The following RPL6 variants were observed in gnomAD, a reference collection of about 807,000 sequenced individuals.
RPL6 encodes ribosomal protein L6.
RPL6 carries 1 observed loss-of-function variant against 32.1 expected under a neutral mutation model. The observed-to-expected ratio is 0.03, with a 90% CI of 0.01 to 0.15. The LOEUF (loss-of-function observed/expected upper bound fraction) is 0.15, where lower values mean the gene tolerates loss of function less well. Ranked by LOEUF, RPL6 falls within the 10% of genes least tolerant of loss-of-function variation. The pLI, the probability that RPL6 is intolerant of heterozygous loss-of-function variation, is 1.00. For synonymous variants in RPL6, 126 were observed against 131.6 expected, an observed-to-expected ratio of 0.96 and a Z score of 0.29; for missense variants, 275 against 354.6, an observed-to-expected ratio of 0.78 and a Z score of 1.80.
chr12:112,407,940 G>A, intron 3 of RPL6: 1 of 318,648 alleles, frequency 3.1e-6, no homozygotes, highest in South Asian at 3.5e-5. Context: ...GGCTGGTCTT[G>A]AACTCCTGAC....
intron 1 of RPL6, chr12:112,408,926 G>A (rs75692477): frequency 3.2e-4 from 138 of 431,356 alleles, no homozygotes; most frequent in African/African-American, 2.3e-3. Context: ...AATACTGAGC[G>A]GTCAGAAGTC....
At chr12:112,406,572 T>A (rs1336226817) in intron 4 of RPL6, 175 bp downstream of exon 4, 2 of 948,136 alleles carry the variant, frequency 2.1e-6, no homozygotes, top group Non-Finnish European at 1.6e-6. Flanking sequence ...AAATGGCTAA[T>A]AAATCACCAT....
In RPL6 at chr12:112,408,491, T is replaced by C. The variant is rs773918984; in HGVS notation, c.166A>G (p.Arg56Gly). ...RNPVLVRGIG[R>G]YSRSAMYSRK... is the part of the protein sequence containing the mutation. Reference sequence around the variant, plus strand: ...GAATACATGGCAGATCGGGAATACCTGCCAATTCCTCTGACAAGGACAGGG... The same window carrying C: ...GAATACATGGCAGATCGGGAATACCCGCCAATTCCTCTGACAAGGACAGGG... Residue 56 changes from arginine (R) to glycine (G), a missense_variant, in exon 2 of 7, where the codon AGG becomes GGG. Coordinates refer to ENST00000202773, the MANE Select transcript of RPL6 (RefSeq NM_000970.6). 2 of 1,613,934 alleles carry C rather than the reference T, an allele frequency of 1.2e-6. No individual in the cohort carries two copies. The highest frequency in any genetic ancestry group is 1.3e-5 in the African/African-American group (1 of 74,936).
chr12:112,406,336 C>G lies in RPL6; in HGVS notation c.487G>C (p.Val163Leu). ...LTGRHRGKRVVFLKQLASGLL... is the reference protein window; with the variant it reads ...LTGRHRGKRVLFLKQLASGLL... ...CCACTAGCCAGCTGCTTCAGGAAAACCACCCTCTGTAAGTTAAAAAGAAAA... is the reference window on the plus strand; with the variant it reads ...CCACTAGCCAGCTGCTTCAGGAAAAGCACCCTCTGTAAGTTAAAAAGAAAA... The change falls in exon 5 of 7, where the codon GTT becomes CTT. Residue 163 changes from valine to leucine, a missense_variant. Val to Leu is a conservative substitution (Grantham distance 32, BLOSUM62 1). Transcript: ENST00000202773. 1 of 1,612,694 alleles carries G rather than the reference C, an allele frequency of 6.2e-7. No individual in the cohort carries two copies. The highest frequency in any genetic ancestry group is 1.1e-5 in the South Asian group (1 of 91,002).
chr12:112,410,319 C>A, upstream of RPL6: 1 of 294,280 alleles, frequency 3.4e-6, no homozygotes, highest in Admixed American at 3.5e-5. Flanking sequence ...TCTTCCCTTA[C>A]CTTGGATTTA....
At chr12:112,418,817 C>T in exon 1 of RPL6, 1 of 473,356 alleles carries the variant, frequency 2.1e-6, no homozygotes, top group South Asian at 2.7e-5. Flanking sequence ...CATTCCCGGC[C>T]GTCGCTCGGT....
At chr12:112,405,412 C>A in intron 6 of RPL6, 36 bp from the exon 7 acceptor site, 3 of 1,602,646 alleles carry the variant, frequency 1.9e-6, no homozygotes, top group East Asian at 4.5e-5. Flanking sequence ...TTAAAACAGG[C>A]ACATACCAAA....
intron 5 of RPL6, 99 bp from the exon 6 acceptor site, chr12:112,406,136 C>T: frequency 7.9e-7 from 1 of 1,265,648 alleles, no homozygotes; most frequent in Non-Finnish European, 1.1e-6. Context: ...CAAAGAAGAC[C>T]ACTTGTCTAA....
chr12:112,408,927 G>C, intron 1 of RPL6: 1 of 427,416 alleles, frequency 2.3e-6, no homozygotes, highest in East Asian at 3.7e-5. Flanking sequence ...ATACTGAGCG[G>C]TCAGAAGTCC....
Position 112,408,221 on chromosome 12 carries a change from T to C in RPL6, c.336+19A>G, listed in dbSNP as rs758133454. ...TCAAGCATAAACAGAAAATCCAATT[T>C]ACAGTCCCCACATCTTACCATTTTG... On this transcript the variant is annotated intron_variant, in intron 3 of 6. Coordinates refer to ENST00000202773, the MANE Select transcript of RPL6 (RefSeq NM_000970.6). 1.3e-6 allele frequency: 2 copies of C among 1,585,506 alleles called. No homozygotes were observed. Among genetic ancestry groups the C allele is most frequent in the Non-Finnish European group, 8.7e-7 (1 of 1,155,722 alleles).
chr12:112,409,060 A>C (rs900111927), intron 1 of RPL6: 4 of 238,324 alleles, frequency 1.7e-5, no homozygotes, highest in Non-Finnish European at 3.2e-5. Flanking sequence ...CTTTCGTCTT[A>C]ACCCTTAAGA....
chr12:112,405,886 G>C lies in RPL6; in HGVS notation c.681C>G (p.His227Gln). 1 of 1,613,702 alleles carries C rather than the reference G, an allele frequency of 6.2e-7. No homozygotes were observed. The highest frequency in any genetic ancestry group is 8.5e-7 in the Non-Finnish European group (1 of 1,179,814). Residue 227 changes from histidine (H) to glutamine (Q), a missense_variant, in exon 6 of 7, where the codon CAC (histidine) becomes CAG (glutamine). Transcript: ENST00000202773. ...CTGTGTCGAAGATCTCACCTTCCTG[G>C]TGTCTGGGCTTCCGCAGCTTCTTCT... ...FKKKKLRKPR[H>Q]QEGEIFDTEK...
At chr12:112,405,697 G>C in intron 6 of RPL6, 156 bp downstream of exon 6, 1 of 699,740 alleles carries the variant, frequency 1.4e-6, no homozygotes, top group South Asian at 2.1e-5. Flanking sequence ...ACTGCCAAAA[G>C]AACTACTCAA....
At chr12:112,416,244 A>G (rs2037408307) in intron 1 of RPL6, among the ~76,000 whole-genome samples, 1 of 142,538 alleles carries the variant, frequency 7.0e-6, no homozygotes, top group Non-Finnish European at 1.5e-5. Context: ...GGTTCACGCC[A>G]TTCTCCTGCC....
chr12:112,412,126 GC>G (rs1249067790), upstream of RPL6, among the ~76,000 whole-genome samples: 3 of 151,916 alleles, frequency 2.0e-5, no homozygotes, highest in East Asian at 5.8e-4. Flanking sequence ...TGCAACCTTC[GC>G]CTCCCGGGTT....
At chr12:112,409,720 T>C (rs1040304467), upstream of RPL6, 6 of 375,716 alleles carry the variant, frequency 1.6e-5, no homozygotes, top group Non-Finnish European at 2.8e-5. Context: ...AAAAAAGTAG[T>C]AAATCCTAGG....
chr12:112,406,549 A>C (rs1257306788), intron 4 of RPL6, 198 bp downstream of exon 4: 12 of 836,434 alleles, frequency 1.4e-5, no homozygotes, highest in African/African-American at 5.2e-5. Context: ...TGTGTAACAT[A>C]ATCAACAGCA....
chr12:112,405,333 A>G lies in RPL6; in HGVS notation c.758T>C (p.Val253Ala), dbSNP rs1169147863. The change falls in exon 7 of 7, where the codon GTG (valine) becomes GCG (alanine). Residue 253 changes from valine (V) to alanine (A), a missense_variant. By Grantham distance (64) the Val-to-Ala change is moderately conservative. Transcript: ENST00000202773. ...GATTTTTGGTAAAATTTGTGAGTCC[A>G]CAGCTTTCTGATCAATCTTGCGCTG... The part of the protein sequence containing the change: ...TEQRKIDQKA[V>A]DSQILPKIKA... 1 of 1,609,918 alleles carries G rather than the reference A, an allele frequency of 6.2e-7. No individual in the cohort carries two copies. Among genetic ancestry groups the G allele is most frequent in the Non-Finnish European group, 8.5e-7 (1 of 1,179,220 alleles).
At chr12:112,409,366 G>A (rs555670526) in intron 1 of RPL6, 2 of 397,160 alleles carry the variant, frequency 5.0e-6, no homozygotes, top group Non-Finnish European at 8.9e-6. Flanking sequence ...CAGCCCAAGA[G>A]AGTGGCGAAG....
Sources: allele counts gnomAD v4.1 joint callset (sites outside exome capture counted in the v4.1 genomes callset), GRCh38; gene constraint gnomAD v4.1.1; transcripts MANE v1.5; gene names NCBI Gene and HGNC (gene_info 2026-07-23, HGNC 2026-07-21).